NTRK3: variants seen among roughly 807,000 people sequenced by gnomAD.
NTRK3 encodes NT-3 growth factor receptor.
NTRK3 carries 24 observed loss-of-function variants against 91.7 expected under a neutral mutation model. The observed-to-expected ratio is 0.26, with a 90% CI of 0.19 to 0.37. The LOEUF (loss-of-function observed/expected upper bound fraction) is 0.37. NTRK3 is among the 10% of genes least tolerant of loss of function. The pLI is 1.00. For synonymous variants in NTRK3, 483 were observed against 404.0 expected, an observed-to-expected ratio of 1.20 and a Z score of -2.34; for missense variants, 880 against 1,068.9, an observed-to-expected ratio of 0.82 and a Z score of 2.46.
chr15:88,185,952 G>A (rs997794851), intron 3 of NTRK3, among the ~76,000 whole-genome samples: 3 of 152,180 alleles, frequency 2.0e-5, no homozygotes, highest in African/African-American at 7.2e-5. Context: ...TGGACCAGGT[G>A]GCCAGGTTGG....
chr15:87,882,804 A>T (rs1358872853), intron 17 of NTRK3, among the ~76,000 whole-genome samples: 1 of 152,122 alleles, frequency 6.6e-6, no homozygotes, highest in African/African-American at 2.4e-5. Context: ...CGTTTTTTAA[A>T]TAAAGCCAAA....
chr15:88,195,859 G>A (rs986877768), intron 3 of NTRK3, among the ~76,000 whole-genome samples: 13 of 152,218 alleles, frequency 8.5e-5, no homozygotes, highest in African/African-American at 3.1e-4. Context: ...TGCGAGCTCT[G>A]TGCCTAAAAT....
intron 3 of NTRK3, among the ~76,000 whole-genome samples, chr15:88,236,475 C>A (rs1311791295): frequency 7.5e-6 from 1 of 133,498 alleles, no homozygotes; most frequent in South Asian, 2.3e-4. Flanking sequence ...GAGTTCAAGA[C>A]CAGCCTGAGC....
chr15:87,987,513 A>G (rs1178061764), intron 14 of NTRK3, among the ~76,000 whole-genome samples: 1 of 150,648 alleles, frequency 6.6e-6, no homozygotes, highest in South Asian at 2.1e-4. Context: ...ATAGATATAT[A>G]TAGATAGATA....
intron 17 of NTRK3, among the ~76,000 whole-genome samples, chr15:87,896,059 A>G (rs2066104158): frequency 6.6e-6 from 1 of 152,134 alleles, no homozygotes; most frequent in African/African-American, 2.4e-5. Context: ...ATGCCTCCCT[A>G]AAAGTATATA....
intron 17 of NTRK3, among the ~76,000 whole-genome samples, chr15:87,891,732 C>T (rs1224615622): frequency 1.3e-5 from 2 of 152,150 alleles, no homozygotes; most frequent in Non-Finnish European, 2.9e-5. Flanking sequence ...CCACTAACCT[C>T]CTATTAATAG....
chr15:88,085,645 A>G (rs1165704360), intron 13 of NTRK3, among the ~76,000 whole-genome samples: 1 of 151,488 alleles, frequency 6.6e-6, no homozygotes, highest in Non-Finnish European at 1.5e-5. Flanking sequence ...TTTGTTACCC[A>G]GCAGTATGCA....
chr15:87,923,916 G>T (rs1332473756), intron 17 of NTRK3, among the ~76,000 whole-genome samples: 1 of 152,108 alleles, frequency 6.6e-6, no homozygotes, highest in Non-Finnish European at 1.5e-5. Context: ...TTATGACACA[G>T]CAAGAAGGCC....
At chr15:88,115,401 A>G (rs759119981) in intron 13 of NTRK3, among the ~76,000 whole-genome samples, 14 of 152,156 alleles carry the variant, frequency 9.2e-5, no homozygotes, top group Non-Finnish European at 1.9e-4. Context: ...GCCCCTCTGC[A>G]CCTCCTTCAA....
exon 19 of NTRK3, chr15:87,867,199 T>A: frequency 4.4e-6 from 1 of 225,312 alleles, no homozygotes. Context: ...GCTGGAAAGA[T>A]ACTGATGGCT....
chr15:88,137,854 C>T (rs1026606561), intron 6 of NTRK3, among the ~76,000 whole-genome samples: 4 of 152,142 alleles, frequency 2.6e-5, no homozygotes, highest in African/African-American at 7.2e-5. Flanking sequence ...AGATTGAGAC[C>T]ATCCTGACCA....
At chr15:88,207,349 C>T (rs2141369033) in intron 3 of NTRK3, among the ~76,000 whole-genome samples, 1 of 152,334 alleles carries the variant, frequency 6.6e-6, no homozygotes, top group Middle Eastern at 3.4e-3. Flanking sequence ...CCACAGATGT[C>T]ACTCTTTCCC....
At chr15:88,061,296 A>G (rs962573897) in intron 13 of NTRK3, among the ~76,000 whole-genome samples, 1 of 152,230 alleles carries the variant, frequency 6.6e-6, no homozygotes, top group Non-Finnish European at 1.5e-5. Context: ...AGTACGGTCA[A>G]GTTTGAATGC....
chr15:88,249,460 G>A (rs147853525), intron 3 of NTRK3, among the ~76,000 whole-genome samples: 1 of 152,264 alleles, frequency 6.6e-6, no homozygotes, highest in East Asian at 1.9e-4. Flanking sequence ...AGTAGAAGGC[G>A]GCCCCAGCAC....
intron 17 of NTRK3, among the ~76,000 whole-genome samples, chr15:87,890,328 G>A (rs189493883): frequency 1.4e-3 from 208 of 152,180 alleles, no homozygotes; most frequent in African/African-American, 4.8e-3. Context: ...GGCTGCAAAA[G>A]GGAGACATTG....
chr15:87,965,353 T>G, intron 14 of NTRK3, among the ~76,000 whole-genome samples: 1 of 152,258 alleles, frequency 6.6e-6, no homozygotes, highest in Admixed American at 6.5e-5. Flanking sequence ...TTTACCTTTC[T>G]GTGACAGAGA....
chr15:88,193,895 T>G (rs1384688444), intron 3 of NTRK3, among the ~76,000 whole-genome samples: 3 of 152,210 alleles, frequency 2.0e-5, no homozygotes, highest in Non-Finnish European at 4.4e-5. Context: ...CTACGCCTCT[T>G]TATGGCAAAT....
rs148915218 is a variant in NTRK3 at position 87,886,839 on chromosome 15, C to T, written c.2134-6411G>A. On this transcript the variant is annotated intron_variant, in intron 17 of 18. Transcript: ENST00000394480. ...TTTAAAAATAGTAAAAAAAAAAGTG[C>T]GAATATAAGGAAACCAGTGGACCTA... Among the ~76,000 whole-genome samples the T allele has an allele frequency of 6.0e-4, 88 of 146,010 alleles. 1 individual carries two copies. The highest frequency in any genetic ancestry group is 1.5e-3 in the African/African-American group (58 of 39,798).
intron 3 of NTRK3, among the ~76,000 whole-genome samples, chr15:88,238,390 A>G (rs1323205497): frequency 6.6e-6 from 1 of 152,138 alleles, no homozygotes; most frequent in Non-Finnish European, 1.5e-5. Flanking sequence ...TGTATTGAAT[A>G]TTTTATCTAC....
Sources: allele counts gnomAD v4.1 joint callset (sites outside exome capture counted in the v4.1 genomes callset), GRCh38; gene constraint gnomAD v4.1.1; transcripts MANE v1.5; gene names NCBI Gene and HGNC (gene_info 2026-07-23, HGNC 2026-07-21).